The following LRP1 variants were observed in gnomAD, a reference collection of about 807,000 sequenced individuals.
LRP1 encodes the protein prolow-density lipoprotein receptor-related protein 1.
A neutral mutation model predicts 541.5 loss-of-function variants in LRP1; 51 were observed. The observed-to-expected ratio is 0.09, with a 90% CI of 0.08 to 0.12. The LOEUF (loss-of-function observed/expected upper bound fraction) is 0.12, where lower values mean the gene tolerates loss of function less well. LRP1 is among the 10% of genes least tolerant of loss of function. LRP1 has a pLI of 1.00. For missense variants in LRP1, 3,878 were observed against 6,376.2 expected (o/e 0.61, Z 13.34); for synonymous variants, 2,219 against 2,470.8 (o/e 0.90, Z 3.02).
intron 42 of LRP1, among the ~76,000 whole-genome samples, chr12:57,190,009 C>T (rs1425933941): frequency 6.6e-6 from 1 of 152,188 alleles, no homozygotes; most frequent in Non-Finnish European, 1.5e-5. Flanking sequence ...CCACAAGGAG[C>T]ACGGCATAAT....
chr12:57,131,110 T>C (rs2035029565), intron 1 of LRP1, among the ~76,000 whole-genome samples: 1 of 152,200 alleles, frequency 6.6e-6, no homozygotes, highest in Admixed American at 6.5e-5. Context: ...TTGAACTTTC[T>C]TGTTTACTTT....
Position 57,197,344 on chromosome 12 carries a change from A to T in LRP1, c.9122A>T (p.Lys3041Met), listed in dbSNP as rs997109767. The T allele has an allele frequency of 1.2e-6, 2 of 1,614,102 alleles. No individual in the cohort carries two copies. Among genetic ancestry groups the T allele is most frequent in the African/African-American group, 2.7e-5 (2 of 75,032 alleles). ...LIFANRYYLR[K>M]LNLDGSNYTL... The stretch of plus-strand genomic sequence containing the variant: ...TTCGCCAACCGGTACTACCTGCGCA[A>T]GCTCAACCTGGACGGGTCCAACTAC... The change falls in exon 57 of 89, where the codon AAG becomes ATG. Residue 3041 changes from lysine (K) to methionine (M), a missense_variant. Physicochemically the swap from Lys to Met is moderately conservative, Grantham distance 95 (BLOSUM62 -1). This residue lies in a region of LRP1 where 1,100 missense variants were observed against 1,827.4 expected (regional missense o/e 0.60). Transcript: ENST00000243077. This position sits in a 1 kb window ranked among gnomAD's most constrained non-coding sequence, Gnocchi z 4.5.
chr12:57,212,093 C>T lies in LRP1; in HGVS notation c.13350-24C>T, dbSNP rs769803556. 24 of 1,613,572 alleles carry T rather than the reference C, an allele frequency of 1.5e-5. No homozygotes were observed. The highest frequency in any genetic ancestry group is 1.6e-4 in the Middle Eastern group (1 of 6,084). The stretch of plus-strand genomic sequence containing the variant: ...CCTTCCCCCCCAATAATCTCTGTCT[C>T]CTTATACTCCTGCCTTTCCCCAGGG... On this transcript the variant is annotated intron_variant, in intron 87 of 88. Coordinates refer to ENST00000243077, the MANE Select transcript of LRP1 (RefSeq NM_002332.3). The surrounding 1 kb of genome is among the most constrained non-coding windows in gnomAD (Gnocchi z 5.0).
chr12:57,197,363 C>G lies in LRP1; in HGVS notation c.9141C>G (p.Ser3047=). ...YYLRKLNLDG[S]NYTLLKQGLN... The stretch of plus-strand genomic sequence containing the variant: ...TGCGCAAGCTCAACCTGGACGGGTC[C>G]AACTACACGTTACTTAAGCAGGTAC... Residue 3047 remains serine, a synonymous_variant, in exon 57 of 89, where the codon TCC becomes TCG. Coordinates refer to ENST00000243077, the MANE Select transcript of LRP1 (RefSeq NM_002332.3). This position sits in a 1 kb window ranked among gnomAD's most constrained non-coding sequence, Gnocchi z 4.5. 1 of 1,613,498 alleles carries G rather than the reference C, an allele frequency of 6.2e-7. No homozygotes were observed. Among genetic ancestry groups the G allele is most frequent in the Non-Finnish European group, 8.5e-7 (1 of 1,179,596 alleles).
intron 44 of LRP1, among the ~76,000 whole-genome samples, chr12:57,192,240 G>A (rs1053503340): frequency 6.6e-6 from 1 of 151,682 alleles, no homozygotes; most frequent in Non-Finnish European, 1.5e-5. Context: ...CTTTGGAACC[G>A]CAAAACCCCC....
At position 57,184,837 on chromosome 12, in the gene LRP1, A is replaced by G; in HGVS notation, c.6187-2A>G. On this transcript the variant is annotated splice_acceptor_variant, in intron 38 of 88. Transcript: ENST00000243077. LOFTEE classifies it high-confidence loss of function. This position sits in a 1 kb window ranked among gnomAD's most constrained non-coding sequence, Gnocchi z 7.8. ...GGTGAGGTGGGTGCCTCTGGCCTGT[A>G]GGATGGGAAGCTGTACTGGTGCGAT... 1 of 1,610,996 alleles carries G rather than the reference A, an allele frequency of 6.2e-7. No homozygotes were observed. Among genetic ancestry groups the G allele is most frequent in the Non-Finnish European group, 8.5e-7 (1 of 1,177,536 alleles).
chr12:57,182,192 T>G (rs1346423355), intron 34 of LRP1, among the ~76,000 whole-genome samples: 1 of 151,918 alleles, frequency 6.6e-6, no homozygotes, highest in East Asian at 1.9e-4. Context: ...GATTCTGAGG[T>G]GCATGGGTAG....
chr12:57,160,979 G>A lies in LRP1; in HGVS notation c.2066G>A (p.Arg689Gln), dbSNP rs568334896. The A allele has an allele frequency of 1.1e-5, 17 of 1,613,976 alleles. No homozygotes were observed. The highest frequency in any genetic ancestry group is 8.3e-5 in the Admixed American group (5 of 60,032). ...LERAWMDGSH[R>Q]DIFVTSKTVL... Reference sequence around the variant, plus strand: ...AGGGCGTGGATGGATGGCTCACACCGAGACATCTTTGTCACCTCCAAGACA... The same window carrying A: ...AGGGCGTGGATGGATGGCTCACACCAAGACATCTTTGTCACCTCCAAGACA... The change falls in exon 13 of 89, where the codon CGA (arginine) becomes CAA (glutamine). Residue 689 changes from arginine (R) to glutamine (Q), a missense_variant. Transcript: ENST00000243077.
chr12:57,161,926 A>C (rs533799850), intron 13 of LRP1, among the ~76,000 whole-genome samples: 1 of 152,218 alleles, frequency 6.6e-6, no homozygotes, highest in Admixed American at 6.5e-5. Flanking sequence ...GATCCTGGTA[A>C]ATGTTGAAGA....
Position 57,178,215 on chromosome 12 carries a change from G to A in LRP1, c.4362-144G>A. ...CTTGGTCCTTCTGTCTGTCTGCTCT[G>A]GCCAGCAAGGCTTAGGGGAGGGAAT... On this transcript the variant is annotated intron_variant, in intron 26 of 88. Coordinates refer to ENST00000243077, the MANE Select transcript of LRP1 (RefSeq NM_002332.3). This position sits in a 1 kb window ranked among gnomAD's most constrained non-coding sequence, Gnocchi z 5.8. 1.0e-6 allele frequency: 1 copy of A among 954,812 alleles called. No individual in the cohort carries two copies. The highest frequency in any genetic ancestry group is 1.5e-6 in the Non-Finnish European group (1 of 650,290). The allele number at this position is 954,812 out of a possible 1,614,324, so 59.1% of individuals were successfully genotyped here.
At position 57,162,364 on chromosome 12, in the gene LRP1, C is replaced by A; in HGVS notation, c.2250C>A (p.His750Gln). 3 of 1,614,220 alleles carry A rather than the reference C, an allele frequency of 1.9e-6. No homozygotes were observed. Among genetic ancestry groups the A allele is most frequent in the Non-Finnish European group, 2.5e-6 (3 of 1,180,044 alleles). ...TGAACCACGCCTTTGGCCTGTGTCA[C>A]CATGGCAACTACCTCTTCTGGACTG... ...PELNHAFGLC[H>Q]HGNYLFWTEY... Residue 750 changes from histidine (H) to glutamine (Q), a missense_variant, in exon 14 of 89, where the codon CAC becomes CAA. Coordinates refer to ENST00000243077, the MANE Select transcript of LRP1 (RefSeq NM_002332.3). This position sits in a 1 kb window ranked among gnomAD's most constrained non-coding sequence, Gnocchi z 5.2.
Position 57,178,395 on chromosome 12 carries a change from T to G in LRP1, c.4398T>G (p.Ser1466=). Residue 1466 remains serine, a synonymous_variant, in exon 27 of 89, where the codon TCT becomes TCG. Transcript: ENST00000243077. This position sits in a 1 kb window ranked among gnomAD's most constrained non-coding sequence, Gnocchi z 5.8. The part of the protein sequence containing the change: ...DAIYSARYDG[S]GHMEVLRGHE... Reference sequence around the variant, plus strand: ...TTTACTCAGCCCGTTACGACGGCTCTGGCCACATGGAGGTGCTTCGGGGAC... The same window carrying G: ...TTTACTCAGCCCGTTACGACGGCTCGGGCCACATGGAGGTGCTTCGGGGAC... 1 of 1,614,222 alleles carries G rather than the reference T, an allele frequency of 6.2e-7. No individual in the cohort carries two copies. Among genetic ancestry groups the G allele is most frequent in the Non-Finnish European group, 8.5e-7 (1 of 1,180,018 alleles).
rs939193913 is a variant in LRP1 at position 57,197,810 on chromosome 12, C to G, written c.9282+146C>G. On this transcript the variant is annotated intron_variant, in intron 58 of 88. Coordinates refer to ENST00000243077, the MANE Select transcript of LRP1 (RefSeq NM_002332.3). The surrounding 1 kb of genome is among the most constrained non-coding windows in gnomAD (Gnocchi z 4.5). Reference sequence around the variant, plus strand: ...TGACTGCTTGTTCTAGCTGCTCACTCTCCTCTGGGCCCAGACAGCAAGGAC... The same window carrying G: ...TGACTGCTTGTTCTAGCTGCTCACTGTCCTCTGGGCCCAGACAGCAAGGAC... 2.1e-5 allele frequency: 20 copies of G among 936,318 alleles called. No individual in the cohort carries two copies. In the Admixed American group the frequency reaches 2.2e-4, roughly 11 times the overall value. The allele number at this position is 936,318 out of a possible 1,614,324, so 58.0% of individuals were successfully genotyped here.
At chr12:57,169,024 G>C in intron 19 of LRP1, 116 bp from the exon 20 acceptor site, 3 of 804,232 alleles carry the variant, frequency 3.7e-6, no homozygotes, top group East Asian at 5.0e-5. Flanking sequence ...TTTTCCCAGT[G>C]GGGGGGTTAG....
At chr12:57,164,385 C>T (rs747650180) in intron 15 of LRP1, 5 of 152,128 alleles carry the variant, frequency 3.3e-5, no homozygotes, top group Non-Finnish European at 7.4e-5. Context: ...CAGTATGTAA[C>T]GAGTACATAA....
At chr12:57,209,294 C>A in intron 79 of LRP1, 95 bp downstream of exon 79, 2 of 980,786 alleles carry the variant, frequency 2.0e-6, no homozygotes, top group Non-Finnish European at 3.2e-6. Context: ...GCCTCCCATC[C>A]TTTGTCACTG....
Position 57,195,290 on chromosome 12 carries a change from C to T in LRP1, c.8328C>T (p.Pro2776=), listed in dbSNP as rs1341627520. ...CTACAGAAGGCAAGACGTGCGGCCCCTCCTCCTTCTCCTGCCCTGGCACCC... is the reference window on the plus strand; with the variant it reads ...CTACAGAAGGCAAGACGTGCGGCCCTTCCTCCTTCTCCTGCCCTGGCACCC... The part of the protein sequence containing the change: ...AAHCEGKTCG[P]SSFSCPGTHV... Residue 2776 remains proline, a synonymous_variant, in exon 52 of 89, where the codon CCC becomes CCT. Transcript: ENST00000243077. 3 of 1,613,974 alleles carry T rather than the reference C, an allele frequency of 1.9e-6. No homozygotes were observed. The highest frequency in any genetic ancestry group is 2.2e-5 in the South Asian group (2 of 91,078).
chr12:57,207,219 G>A (rs974942928), intron 76 of LRP1, among the ~76,000 whole-genome samples: 30 of 148,966 alleles, frequency 2.0e-4, no homozygotes, highest in Non-Finnish European at 4.1e-4. Context: ...CTCCAGCCTG[G>A]GCGAGAGAGT....
At chr12:57,198,765 C>A in intron 60 of LRP1, 95 bp downstream of exon 60, 1 of 1,246,724 alleles carries the variant, frequency 8.0e-7, no homozygotes, top group Non-Finnish European at 1.1e-6. Context: ...CAAGAGTGGA[C>A]ATAAAAAGCG....
Sources: allele counts gnomAD v4.1 joint callset (sites outside exome capture counted in the v4.1 genomes callset), GRCh38; gene constraint gnomAD v4.1.1; regional missense constraint gnomAD v4.1.1; non-coding constraint Gnocchi (gnomAD v3.1); transcripts MANE v1.5; gene names NCBI Gene and HGNC (gene_info 2026-07-23, HGNC 2026-07-21).